CACNA1C: variants seen among roughly 807,000 people sequenced by gnomAD.
CACNA1C encodes the protein voltage-dependent L-type calcium channel subunit alpha-1C.
In CACNA1C, 30 loss-of-function variants were observed where a neutral mutation model predicts 229.0. The ratio of observed to expected loss-of-function variants is 0.13; its 90% CI spans 0.10 to 0.18. The LOEUF is 0.18. Ranked by LOEUF, CACNA1C falls within the 10% of genes least tolerant of loss-of-function variation. The pLI is 1.00. For synonymous variants in CACNA1C, 1,114 were observed against 1,132.5 expected (o/e 0.98, Z 0.33); for missense variants, 1,658 against 2,845.0 (o/e 0.58, Z 9.49).
intron 3 of CACNA1C, among the ~76,000 whole-genome samples, chr12:2,352,802 C>G (rs547564740): frequency 6.6e-6 from 1 of 152,282 alleles, no homozygotes; most frequent in Admixed American, 6.5e-5. Flanking sequence ...CCCTGACCTA[C>G]CTCTTTGTTG....
chr12:2,053,883 G>A lies in CACNA1C; in HGVS notation c.49+272G>A, dbSNP rs1449473811. Among the ~76,000 whole-genome samples the A allele has an allele frequency of 1.3e-5, 2 of 148,860 alleles. No homozygotes were observed. The highest frequency in any genetic ancestry group is 4.9e-5 in the African/African-American group (2 of 40,674). ...TGTTTCCTGTGAAATTCCAGGCGAG[G>A]GGGGAAAAGTTCCCCAAGTGGCTGC... is the stretch of plus-strand genomic sequence containing the variant. On this transcript the variant is annotated intron_variant, in intron 1 of 46. Transcript: ENST00000399655. The surrounding 1 kb of genome is among the most constrained non-coding windows in gnomAD (Gnocchi z 5.8).
At chr12:2,552,695 G>A (rs1368199400) in intron 10 of CACNA1C, among the ~76,000 whole-genome samples, 1 of 152,202 alleles carries the variant, frequency 6.6e-6, no homozygotes, top group African/African-American at 2.4e-5. Flanking sequence ...GGAAAGAAGG[G>A]CTGTGTTGTG....
chr12:2,135,156 A>G (rs10848618), intron 3 of CACNA1C, among the ~76,000 whole-genome samples: 103,145 of 141,254 alleles, frequency 0.73, 39,308 homozygotes, highest in African/African-American at 0.85. Flanking sequence ...TTTCAGCTCC[A>G]TCAGCTCCTT....
At chr12:2,532,034 C>A (rs1020488977) in intron 9 of CACNA1C, among the ~76,000 whole-genome samples, 1 of 152,204 alleles carries the variant, frequency 6.6e-6, no homozygotes, top group Non-Finnish European at 1.5e-5. Context: ...AGACAGTGTC[C>A]TGGGTGCAGT....
chr12:2,575,759 A>C lies in CACNA1C; in HGVS notation c.1896-5831A>C, dbSNP rs985327372. Among the ~76,000 whole-genome samples, 2 of 152,208 alleles carry C rather than the reference A, an allele frequency of 1.3e-5. No homozygotes were observed. The highest frequency in any genetic ancestry group is 4.8e-5 in the African/African-American group (2 of 41,456). Reference sequence around the variant, plus strand: ...TGCAGAGCATCCGAAAGTGGTGGGTACTGTTATTTTGAAGATCTCTTATTT... The same window carrying C: ...TGCAGAGCATCCGAAAGTGGTGGGTCCTGTTATTTTGAAGATCTCTTATTT... On this transcript the variant is annotated intron_variant, in intron 13 of 46. Coordinates refer to ENST00000399655, the MANE Select transcript of CACNA1C (RefSeq NM_000719.7). This position sits in a 1 kb window ranked among gnomAD's most constrained non-coding sequence, Gnocchi z 4.0.
chr12:2,137,704 C>G (rs76149581), intron 3 of CACNA1C, among the ~76,000 whole-genome samples: 1 of 147,588 alleles, frequency 6.8e-6, no homozygotes, highest in African/African-American at 2.5e-5. Context: ...TTTTTTTTTT[C>G]TGGCACATTC....
At chr12:2,148,800 C>A (rs1002622108) in intron 3 of CACNA1C, among the ~76,000 whole-genome samples, 6 of 151,858 alleles carry the variant, frequency 4.0e-5, no homozygotes, top group African/African-American at 1.4e-4. Flanking sequence ...CCTGCCTCGA[C>A]CTCCAAAGTA....
intron 30 of CACNA1C, among the ~76,000 whole-genome samples, chr12:2,638,519 G>A (rs766046807): frequency 3.9e-4 from 60 of 152,172 alleles, no homozygotes; most frequent in African/African-American, 1.1e-3. Context: ...CACGTGACCC[G>A]ACTGGTTTTT....
chr12:2,458,777 G>A (rs1031027310), intron 5 of CACNA1C, among the ~76,000 whole-genome samples: 25 of 151,992 alleles, frequency 1.6e-4, no homozygotes, highest in African/African-American at 5.6e-4. Context: ...GAAATGTGAG[G>A]GACTTTATAT....
chr12:2,071,176 G>T (rs28548000), intron 1 of CACNA1C, among the ~76,000 whole-genome samples: 320 of 19,478 alleles, frequency 0.016, 17 homozygotes, highest in African/African-American at 0.049. Context: ...CTCCCTCCCT[G>T]CCTGCCTGCC....
intron 3 of CACNA1C, among the ~76,000 whole-genome samples, chr12:2,188,867 C>T (rs986782588): frequency 5.3e-5 from 8 of 151,868 alleles, no homozygotes; most frequent in Non-Finnish European, 7.4e-5. Context: ...CCGAGGCAGG[C>T]GGATCACGAG....
At chr12:2,176,106 A>G (rs1223503228) in intron 3 of CACNA1C, among the ~76,000 whole-genome samples, 1 of 152,102 alleles carries the variant, frequency 6.6e-6, no homozygotes, top group Non-Finnish European at 1.5e-5. Context: ...TGAGGATGCT[A>G]GAGGGGTGGG....
chr12:2,083,848 AT>A (rs1331335695), intron 1 of CACNA1C, among the ~76,000 whole-genome samples: 1 of 152,210 alleles, frequency 6.6e-6, no homozygotes, highest in Non-Finnish European at 1.5e-5. Context: ...GCATGTATTC[AT>A]TGGATCATTC....
intron 3 of CACNA1C, among the ~76,000 whole-genome samples, chr12:2,428,710 GC>G (rs1173983343): frequency 2.6e-5 from 4 of 152,170 alleles, no homozygotes; most frequent in African/African-American, 9.7e-5. Flanking sequence ...CTCCTGGTTG[GC>G]TGGACATTTC....
At chr12:2,210,814 G>T (rs1301292374) in intron 3 of CACNA1C, among the ~76,000 whole-genome samples, 1 of 152,118 alleles carries the variant, frequency 6.6e-6, no homozygotes, top group Non-Finnish European at 1.5e-5. Flanking sequence ...CACATTTCTG[G>T]AGGCTGTATT....
chr12:2,161,410 C>T (rs1417252574), intron 3 of CACNA1C, among the ~76,000 whole-genome samples: 1 of 152,172 alleles, frequency 6.6e-6, no homozygotes, highest in Non-Finnish European at 1.5e-5. Context: ...AGGCTCTAAA[C>T]GCCAGCTTGG....
chr12:2,486,307 C>T lies in CACNA1C; in HGVS notation c.916+45C>T, dbSNP rs755963444. On this transcript the variant is annotated intron_variant, in intron 6 of 46. Transcript: ENST00000399655. The surrounding 1 kb of genome is among the most constrained non-coding windows in gnomAD (Gnocchi z 4.9). ...GCGCTCCCAAGGCCCTGCCCTCTAT[C>T]GCTCCCAGCACCTTTCCCGCTGCTG... 1.1e-5 allele frequency: 17 copies of T among 1,553,194 alleles called. No homozygotes were observed. The Admixed American group carries it at 1.7e-4, about 16-fold the overall frequency.
chr12:2,249,084 G>A (rs2074508508), intron 3 of CACNA1C, among the ~76,000 whole-genome samples: 1 of 152,176 alleles, frequency 6.6e-6, no homozygotes, highest in Non-Finnish European at 1.5e-5. Context: ...CAGTAGAGAG[G>A]TAAGGAGGTA....
intron 3 of CACNA1C, among the ~76,000 whole-genome samples, chr12:2,258,391 CATT>C (rs2154399013): frequency 1.3e-5 from 2 of 151,902 alleles, no homozygotes; most frequent in South Asian, 4.2e-4. Context: ...GTATTTTACT[CATT>C]AATTTTTGAA....
Sources: gnomAD v4.1 joint callset for allele counts (sites outside exome capture counted in the v4.1 genomes callset) on GRCh38, gnomAD v4.1.1 for gene constraint, Gnocchi (gnomAD v3.1) non-coding constraint, MANE v1.5 for transcripts, NCBI Gene and HGNC (gene_info 2026-07-23, HGNC 2026-07-21) for gene names.